Variants in NAALADL2 observed in about 807,000 individuals in gnomAD.
NAALADL2 encodes the protein N-acetylated alpha-linked acidic dipeptidase like 2.
Under a neutral mutation model 87.2 loss-of-function variants are expected in NAALADL2, and 76 were observed. That is an observed-to-expected ratio of 0.87 (90% confidence interval 0.72 to 1.05). The LOEUF is 1.05. Among genes scored for constraint, NAALADL2 ranks in the 50% least tolerant of loss-of-function variants. The probability of loss-of-function intolerance (pLI) is 0.00; values close to 1 mark genes in which losing one functional copy is unlikely to be tolerated. For missense variants in NAALADL2, 1,089 were observed against 945.8 expected, an observed-to-expected ratio of 1.15 and a Z score of -1.99; for synonymous variants, 354 against 331.0, an observed-to-expected ratio of 1.07 and a Z score of -0.75.
chr3:175,652,481 T>C (rs1484788214), intron 11 of NAALADL2, among the ~76,000 whole-genome samples: 1 of 142,758 alleles, frequency 7.0e-6, no homozygotes, highest in Non-Finnish European at 1.5e-5. Context: ...TTTTCTTTCT[T>C]TTTTTTTTTT....
chr3:175,771,948 AACTC>A (rs1244506061), intron 13 of NAALADL2, among the ~76,000 whole-genome samples: 1 of 152,152 alleles, frequency 6.6e-6, no homozygotes, highest in African/African-American at 2.4e-5. Context: ...ATCTCCTGAG[AACTC>A]ACTCACTATC....
chr3:174,540,679 C>T (rs1464093782), intron 1 of NAALADL2: 1 of 152,158 alleles, frequency 6.6e-6, no homozygotes, highest in African/African-American at 2.4e-5. Context: ...AAATTTACCT[C>T]ACTTCATGCT....
At chr3:175,358,142 G>A (rs1210694422) in intron 5 of NAALADL2, among the ~76,000 whole-genome samples, 1 of 152,084 alleles carries the variant, frequency 6.6e-6, no homozygotes, top group African/African-American at 2.4e-5. Flanking sequence ...CTAAGCAATA[G>A]AAGAAATGGG....
upstream of NAALADL2, among the ~76,000 whole-genome samples, chr3:174,855,522 C>G (rs1407183651): frequency 2.0e-5 from 3 of 152,108 alleles, no homozygotes; most frequent in Non-Finnish European, 4.4e-5. Context: ...TCCCTACTTT[C>G]CCTCATCACT....
intron 1 of NAALADL2, among the ~76,000 whole-genome samples, chr3:175,075,207 A>C (rs1406688882): frequency 1.3e-5 from 2 of 152,126 alleles, no homozygotes; most frequent in Non-Finnish European, 2.9e-5. Context: ...GCTGTCAAAC[A>C]GTCACTGAAC....
intron 1 of NAALADL2, among the ~76,000 whole-genome samples, chr3:175,073,315 T>C (rs1559990170): frequency 6.6e-6 from 1 of 152,046 alleles, no homozygotes; most frequent in Non-Finnish European, 1.5e-5. Flanking sequence ...AAAATTTTAT[T>C]TGGCCCTCTA....
chr3:174,965,737 CTT>C (rs1239697095), intron 1 of NAALADL2, among the ~76,000 whole-genome samples: 1 of 152,070 alleles, frequency 6.6e-6, no homozygotes, highest in African/African-American at 2.4e-5. Context: ...GTGAATGTGT[CTT>C]TCAGCGAAAT....
intron 4 of NAALADL2, among the ~76,000 whole-genome samples, chr3:175,320,174 A>G (rs867858611): frequency 1.3e-5 from 2 of 152,150 alleles, no homozygotes; most frequent in African/African-American, 4.8e-5. Flanking sequence ...AATCATGATT[A>G]TTGTTTTTCA....
chr3:174,942,974 G>T (rs972422290), intron 1 of NAALADL2, among the ~76,000 whole-genome samples: 1 of 152,068 alleles, frequency 6.6e-6, no homozygotes, highest in African/African-American at 2.4e-5. Context: ...ATTGGGTTTT[G>T]CTGTCCTCCT....
chr3:174,557,531 A>G (rs1170780616), intron 2 of NAALADL2, among the ~76,000 whole-genome samples: 1 of 152,172 alleles, frequency 6.6e-6, no homozygotes, highest in Non-Finnish European at 1.5e-5. Context: ...TTAATATAAT[A>G]GACTCCTTTA....
At chr3:175,239,481 A>T (rs1449477289) in intron 3 of NAALADL2, among the ~76,000 whole-genome samples, 1 of 152,316 alleles carries the variant, frequency 6.6e-6, no homozygotes, top group African/African-American at 2.4e-5. Flanking sequence ...AAAGCAAATC[A>T]CATATTAATA....
intron 1 of NAALADL2, among the ~76,000 whole-genome samples, chr3:174,980,215 T>C (rs1744932708): frequency 6.6e-6 from 1 of 152,258 alleles, no homozygotes; most frequent in Non-Finnish European, 1.5e-5. Flanking sequence ...TCAGCAGATC[T>C]GTAAAATTTT....
intron 1 of NAALADL2, among the ~76,000 whole-genome samples, chr3:174,935,677 T>A (rs979316475): frequency 6.6e-6 from 1 of 152,172 alleles, no homozygotes; most frequent in Admixed American, 6.6e-5. Flanking sequence ...TGGTATGTTA[T>A]GTTCTTTTAA....
intron 10 of NAALADL2, among the ~76,000 whole-genome samples, chr3:175,586,265 A>G (rs773402134): frequency 4.1e-5 from 6 of 146,584 alleles, no homozygotes; most frequent in African/African-American, 7.7e-5. Flanking sequence ...TGTACAGACT[A>G]CAAAGAAGAC....
intron 1 of NAALADL2, among the ~76,000 whole-genome samples, chr3:174,536,056 A>T (rs1721694335): frequency 6.6e-6 from 1 of 152,116 alleles, no homozygotes; most frequent in African/African-American, 2.4e-5. Context: ...ATCAAATATA[A>T]AAATAAAAAC....
chr3:175,551,434 G>A (rs1714340237), intron 9 of NAALADL2, among the ~76,000 whole-genome samples: 1 of 152,108 alleles, frequency 6.6e-6, no homozygotes, highest in Non-Finnish European at 1.5e-5. Flanking sequence ...ATATAAAACA[G>A]CTGTTGACTG....
At chr3:175,054,855 C>T (rs1360928840) in intron 1 of NAALADL2, among the ~76,000 whole-genome samples, 2 of 152,174 alleles carry the variant, frequency 1.3e-5, no homozygotes, top group African/African-American at 4.8e-5. Flanking sequence ...ATAACTTGTA[C>T]TCCCCATTGT....
chr3:175,442,176 C>T (rs995758960), intron 5 of NAALADL2, among the ~76,000 whole-genome samples: 11 of 152,078 alleles, frequency 7.2e-5, no homozygotes, highest in African/African-American at 2.7e-4. Context: ...ATCTCCTGAC[C>T]TCAGGTGATC....
intron 9 of NAALADL2, among the ~76,000 whole-genome samples, chr3:175,522,459 G>A (rs746032291): frequency 4.6e-5 from 7 of 152,258 alleles, no homozygotes; most frequent in East Asian, 3.9e-4. Context: ...AATGGCGTGC[G>A]CTGAAATGGC....
Sources: gnomAD v4.1 joint callset for allele counts (sites outside exome capture counted in the v4.1 genomes callset) on GRCh38, gnomAD v4.1.1 for gene constraint, MANE v1.5 for transcripts, NCBI Gene and HGNC (gene_info 2026-07-23, HGNC 2026-07-21) for gene names.